BPIFB3: variants seen among roughly 807,000 people sequenced by gnomAD.
The protein encoded by BPIFB3 is BPI fold-containing family B member 3.
In BPIFB3, 49 loss-of-function variants were observed where a neutral mutation model predicts 53.1. The ratio of observed to expected loss-of-function variants is 0.92; its 90% CI spans 0.73 to 1.17. The LOEUF (loss-of-function observed/expected upper bound fraction) is 1.17, where lower values mean the gene tolerates loss of function less well. Ranked by LOEUF, BPIFB3 falls within the 50% of genes most tolerant of loss-of-function variation. The probability of loss-of-function intolerance (pLI) is 0.00; values close to 1 mark genes in which losing one functional copy is unlikely to be tolerated. For missense variants in BPIFB3, 628 were observed against 592.5 expected (o/e 1.06, Z -0.62); for synonymous variants, 271 against 269.6 (o/e 1.01, Z -0.05).
exon 9 of BPIFB3, chr20:33,066,841 A>T (rs370006680): frequency 6.2e-7 from 1 of 1,614,164 alleles, no homozygotes. Flanking sequence ...GCGATGTCCC[A>T]CTGACAACTA....
intron 8 of BPIFB3, among the ~76,000 whole-genome samples, chr20:33,065,593 G>A (rs1176048260): frequency 3.4e-5 from 5 of 146,834 alleles, no homozygotes; most frequent in African/African-American, 7.7e-5. Context: ...AAGGAAGGAA[G>A]GAAGGAAAGA....
chr20:33,065,812 G>C (rs1980647632), intron 8 of BPIFB3, among the ~76,000 whole-genome samples: 1 of 152,148 alleles, frequency 6.6e-6, no homozygotes, highest in Non-Finnish European at 1.5e-5. Flanking sequence ...TCAGGCCCAA[G>C]GAAACAGGGG....
rs1980596926 is a variant in BPIFB3 at position 33,064,695 on chromosome 20, CATT to C, written c.775_777del (p.Ile259del). On this transcript the variant is annotated inframe_deletion, in exon 8 of 15. Coordinates refer to ENST00000375494, the Ensembl canonical transcript of BPIFB3. ...TCGTGAAGAGTGTAGCTGGTGATAT[CATT>C]GACTTCCCCAAGTCCCGTGCCCCAG... The C allele has an allele frequency of 1.9e-6, 3 of 1,613,900 alleles. No homozygotes were observed. In the South Asian group the frequency reaches 3.3e-5, roughly 18 times the overall value.
intron 4 of BPIFB3, among the ~76,000 whole-genome samples, chr20:33,060,453 T>C (rs1464531409): frequency 1.3e-5 from 2 of 152,166 alleles, no homozygotes; most frequent in Non-Finnish European, 2.9e-5. Flanking sequence ...CATGTCCCCA[T>C]CTGTATATGT....
intron 2 of BPIFB3, among the ~76,000 whole-genome samples, chr20:33,057,675 G>A (rs984762852): frequency 6.6e-6 from 1 of 152,066 alleles, no homozygotes; most frequent in African/African-American, 2.4e-5. Context: ...ACTAGGGTAT[G>A]AGTGTTTGTC....
chr20:33,063,903 G>T (rs1401796774), intron 6 of BPIFB3, among the ~76,000 whole-genome samples: 1 of 152,190 alleles, frequency 6.6e-6, no homozygotes, highest in Non-Finnish European at 1.5e-5. Flanking sequence ...TATGTTGGGT[G>T]CTGCAGACCA....
At chr20:33,068,925 G>T in exon 10 of BPIFB3, 1 of 1,614,016 alleles carries the variant, frequency 6.2e-7, no homozygotes, top group Non-Finnish European at 8.5e-7. Context: ...TCCATGTGCT[G>T]TTCTATGTCC....
intron 2 of BPIFB3, among the ~76,000 whole-genome samples, chr20:33,058,080 C>A (rs1411077139): frequency 1.3e-5 from 2 of 152,172 alleles, no homozygotes; most frequent in Non-Finnish European, 2.9e-5. Flanking sequence ...CTGTGTGTTT[C>A]ATCACAGCCC....
chr20:33,067,816 T>G (rs1003493815), intron 9 of BPIFB3, among the ~76,000 whole-genome samples: 1 of 152,172 alleles, frequency 6.6e-6, no homozygotes, highest in Non-Finnish European at 1.5e-5. Flanking sequence ...GCCTCGCAGC[T>G]TTAGAGCCCC....
chr20:33,071,015 A>G (rs1032484852), intron 11 of BPIFB3, among the ~76,000 whole-genome samples: 2 of 152,162 alleles, frequency 1.3e-5, no homozygotes, highest in Admixed American at 1.3e-4. Flanking sequence ...GCTGGGAGTC[A>G]GACAAAGGCG....
intron 5 of BPIFB3, among the ~76,000 whole-genome samples, chr20:33,063,131 C>T (rs569529873): frequency 3.9e-5 from 6 of 152,272 alleles, no homozygotes; most frequent in Admixed American, 2.0e-4. Context: ...GGAATGAACA[C>T]GTGGTGATAT....
intron 4 of BPIFB3, among the ~76,000 whole-genome samples, chr20:33,061,196 G>A (rs918224494): frequency 2.0e-5 from 3 of 152,116 alleles, no homozygotes; most frequent in African/African-American, 7.2e-5. Context: ...GGGATTCCAG[G>A]CAAGGGCTTT....
At chr20:33,073,045 C>A (rs951625869) in intron 14 of BPIFB3, among the ~76,000 whole-genome samples, 2 of 152,242 alleles carry the variant, frequency 1.3e-5, no homozygotes, top group Non-Finnish European at 2.9e-5. Flanking sequence ...CCATTGGATT[C>A]AGAGACATGT....
Position 33,068,975 on chromosome 20 carries a change from TG to T in BPIFB3, c.1149+3del. 1 of 1,611,986 alleles carries T rather than the reference TG, an allele frequency of 6.2e-7. No individual in the cohort carries two copies. Among genetic ancestry groups the T allele is most frequent in the Non-Finnish European group, 8.5e-7 (1 of 1,178,522 alleles). On this transcript the variant is annotated splice_donor_region_variant and intron_variant, in intron 10 of 14. Transcript: ENST00000375494. ...GAATCCCTCTTTGAGCTGAACTCCG[TG>T]AGTGGTCAAGGGGTGGCTGGGGGCC...
At chr20:33,066,942 A>C in intron 9 of BPIFB3, 65 bp downstream of exon 10, 1 of 1,541,744 alleles carries the variant, frequency 6.5e-7, no homozygotes, top group South Asian at 1.1e-5. Flanking sequence ...AATGGAGTCC[A>C]GAATCTTTCT....
intron 2 of BPIFB3, among the ~76,000 whole-genome samples, chr20:33,058,185 A>G (rs1980297563): frequency 6.6e-6 from 1 of 152,236 alleles, no homozygotes; most frequent in Non-Finnish European, 1.5e-5. Context: ...GCTGAAGCCC[A>G]GTGTATGGAG....
intron 10 of BPIFB3, 63 bp from the exon 12 acceptor site, chr20:33,069,825 C>T: frequency 1.3e-6 from 2 of 1,541,288 alleles, no homozygotes; most frequent in African/African-American, 2.7e-5. Flanking sequence ...TGGATGGAGG[C>T]AGACCCGTCC....
chr20:33,060,989 C>T (rs1568993522), intron 4 of BPIFB3, among the ~76,000 whole-genome samples: 1 of 152,238 alleles, frequency 6.6e-6, no homozygotes, highest in Non-Finnish European at 1.5e-5. Context: ...TCTGCCAGCA[C>T]TCTGAGCCAG....
exon 4 of BPIFB3, chr20:33,060,026 C>T: frequency 6.2e-7 from 1 of 1,613,788 alleles, no homozygotes; most frequent in Non-Finnish European, 8.5e-7. Flanking sequence ...TCAGCCTGTT[C>T]TCAGGGTGAG....
Sources: gnomAD v4.1 joint callset for allele counts (sites outside exome capture counted in the v4.1 genomes callset) on GRCh38, gnomAD v4.1.1 for gene constraint, MANE v1.5 for transcripts, NCBI Gene and HGNC (gene_info 2026-07-23, HGNC 2026-07-21) for gene names.